VPS26B: variants seen among roughly 807,000 people sequenced by gnomAD.
VPS26B encodes vacuolar protein sorting-associated protein 26B.
Under a neutral mutation model 33.3 loss-of-function variants are expected in VPS26B, and 10 were observed. The ratio of observed to expected loss-of-function variants is 0.30; its 90% CI spans 0.19 to 0.51. VPS26B has a LOEUF of 0.51. Among genes scored for constraint, VPS26B ranks in the 20% least tolerant of loss-of-function variants. The pLI is 0.98. For missense variants in VPS26B, 317 were observed against 452.7 expected, an observed-to-expected ratio of 0.70 and a Z score of 2.72; for synonymous variants, 190 against 176.9, an observed-to-expected ratio of 1.07 and a Z score of -0.59.
intron 1 of VPS26B, among the ~76,000 whole-genome samples, chr11:134,229,771 G>A (rs1434452176): frequency 5.3e-5 from 8 of 152,058 alleles, no homozygotes; most frequent in Non-Finnish European, 8.8e-5. Flanking sequence ...CATTTTCTGT[G>A]AGGATGAAGT....
chr11:134,235,742 TTGTTTTTAC>T (rs1938622171), intron 2 of VPS26B: 1 of 152,236 alleles, frequency 6.6e-6, no homozygotes, highest in South Asian at 2.1e-4. Flanking sequence ...GGTACATGGA[TTGTTTTTAC>T]TGTTATAGTG....
At chr11:134,238,710 C>T (rs1938672671) in intron 2 of VPS26B, among the ~76,000 whole-genome samples, 1 of 152,170 alleles carries the variant, frequency 6.6e-6, no homozygotes, top group Admixed American at 6.5e-5. Context: ...ATTCTCCTGC[C>T]TCAGCCTCCC....
rs1938704300 is a variant in VPS26B at position 134,240,678 on chromosome 11, G to C, written c.545+523G>C. Among the ~76,000 whole-genome samples the C allele has an allele frequency of 6.6e-6, 1 of 152,002 alleles. No homozygotes were observed. The highest frequency in any genetic ancestry group is 1.5e-5 in the Non-Finnish European group (1 of 68,020). On this transcript the variant is annotated intron_variant, in intron 3 of 5. Coordinates refer to ENST00000281187, the MANE Select transcript of VPS26B (RefSeq NM_052875.5). The surrounding 1 kb of genome is among the most constrained non-coding windows in gnomAD (Gnocchi z 4.4). ...AGTGGCCCAGTCATGGCTTACTACA[G>C]CCTTGACCTCCTAGACTCAAGCATT...
intron 3 of VPS26B, among the ~76,000 whole-genome samples, chr11:134,242,911 G>A (rs1938755090): frequency 6.6e-6 from 1 of 152,236 alleles, no homozygotes. Context: ...CTTTGCGTGG[G>A]ATGTGGAAGG....
chr11:134,231,612 T>C (rs574705782), intron 1 of VPS26B, among the ~76,000 whole-genome samples: 1 of 151,646 alleles, frequency 6.6e-6, no homozygotes, highest in African/African-American at 2.4e-5. Flanking sequence ...TCGCCCAGGA[T>C]AGAGTGCAAT....
rs924263952 is a variant in VPS26B, at chr11:134,246,622, G to T, written c.*1032G>T. ...ACCCCTCTCCCTATAGGTTACACAGGGGAGACCAGGGCCTCGGCAGAAGAC... is the reference window on the plus strand; with the variant it reads ...ACCCCTCTCCCTATAGGTTACACAGTGGAGACCAGGGCCTCGGCAGAAGAC... On this transcript the variant is annotated 3_prime_UTR_variant, in exon 6 of 6. Coordinates refer to ENST00000281187, the MANE Select transcript of VPS26B (RefSeq NM_052875.5). 6.6e-6 allele frequency: 1 copy of T among 152,276 alleles called. No individual in the cohort carries two copies. Among genetic ancestry groups the T allele is most frequent in the African/African-American group, 2.4e-5 (1 of 41,310 alleles). The allele number at this position is 152,276 out of a possible 1,614,324, so 9.4% of individuals were successfully genotyped here.
intron 1 of VPS26B, among the ~76,000 whole-genome samples, chr11:134,230,177 A>T (rs79754225): frequency 3.9e-5 from 6 of 152,272 alleles, no homozygotes; most frequent in Admixed American, 2.6e-4. Context: ...TGACTTTTTT[A>T]AAAAACTTGT....
Position 134,245,060 on chromosome 11 carries a change from C to A in VPS26B, c.844C>A (p.Arg282=). ...LNLVLIDEEE[R]RYFKQQEVVL... ...CCTGGTGCTGATAGACGAGGAGGAGCGGCGCTACTTCAAGCAGCAGGTGAG... is the reference window on the plus strand; with the variant it reads ...CCTGGTGCTGATAGACGAGGAGGAGAGGCGCTACTTCAAGCAGCAGGTGAG... The change falls in exon 5 of 6, where the codon CGG becomes AGG. Residue 282 remains arginine, a synonymous_variant. Coordinates refer to ENST00000281187, the MANE Select transcript of VPS26B (RefSeq NM_052875.5). The surrounding 1 kb of genome is among the most constrained non-coding windows in gnomAD (Gnocchi z 4.7). The A allele has an allele frequency of 6.2e-7, 1 of 1,614,100 alleles. No homozygotes were observed. The highest frequency in any genetic ancestry group is 8.5e-7 in the Non-Finnish European group (1 of 1,180,030).
intron 2 of VPS26B, 60 bp downstream of exon 2, chr11:134,235,113 C>T (rs1207289463): frequency 6.4e-7 from 1 of 1,551,850 alleles, no homozygotes; most frequent in East Asian, 2.3e-5. Context: ...TGGACAAGGA[C>T]CTGAGGCCGT....
At chr11:134,232,331 G>T (rs1245601469) in intron 1 of VPS26B, among the ~76,000 whole-genome samples, 4 of 152,336 alleles carry the variant, frequency 2.6e-5, no homozygotes, top group African/African-American at 9.6e-5. Context: ...CAAACTTTCT[G>T]GCAAATAGGA....
At chr11:134,239,603 A>G (rs1330427337) in intron 2 of VPS26B, 1 of 206,622 alleles carries the variant, frequency 4.8e-6, no homozygotes, top group African/African-American at 2.3e-5. Flanking sequence ...GCCAGGAGTT[A>G]GCTGATGAAA....
In VPS26B at chr11:134,246,353, T is replaced by G. The variant is rs1938820690; in HGVS notation, c.*763T>G. ...ATGAGTGCATGGCAACCGCCTGCCT[T>G]CACGTCGCTCCACTTGGTAACCCCA... On this transcript the variant is annotated 3_prime_UTR_variant, in exon 6 of 6. Transcript: ENST00000281187. 3 of 152,296 alleles carry G rather than the reference T, an allele frequency of 2.0e-5. No individual in the cohort carries two copies. The highest frequency in any genetic ancestry group is 7.2e-5 in the African/African-American group (3 of 41,424). The allele number at this position is 152,296 out of a possible 1,614,324, so 9.4% of individuals were successfully genotyped here.
intron 1 of VPS26B, 72 bp from the exon 2 acceptor site, chr11:134,234,825 C>G: frequency 6.4e-7 from 1 of 1,562,276 alleles, no homozygotes. Context: ...CCTACAGCCT[C>G]CAGCCCCCTA....
At chr11:134,227,814 TATG>T (rs1336365379) in intron 1 of VPS26B, among the ~76,000 whole-genome samples, 165 of 152,296 alleles carry the variant, frequency 1.1e-3, no homozygotes, top group African/African-American at 3.9e-3. Flanking sequence ...TTTATAAAAT[TATG>T]GTAGTTGTAG....
intron 3 of VPS26B, among the ~76,000 whole-genome samples, chr11:134,242,169 G>A (rs1023793127): frequency 6.6e-6 from 1 of 152,200 alleles, no homozygotes; most frequent in Non-Finnish European, 1.5e-5. Context: ...AGATGGCGCA[G>A]GTGGTCTCCT....
chr11:134,245,563 G>A lies in VPS26B; in HGVS notation c.984G>A (p.Gln328=), dbSNP rs1230172568. Residue 328 remains glutamine (Q), a synonymous_variant, in exon 6 of 6, where the codon CAG becomes CAA. Coordinates refer to ENST00000281187, the MANE Select transcript of VPS26B (RefSeq NM_052875.5). The surrounding 1 kb of genome is among the most constrained non-coding windows in gnomAD (Gnocchi z 4.7). ...TGGGTGAGGTGCGGACCCCCAGCCA[G>A]CTGTCTGACAACAACTGCAGGCAGT... The part of the protein sequence containing the change: ...TSLGEVRTPS[Q]LSDNNCRQ 2 of 1,612,276 alleles carry A rather than the reference G, an allele frequency of 1.2e-6. No homozygotes were observed. Among genetic ancestry groups the A allele is most frequent in the East Asian group, 4.5e-5 (2 of 44,836 alleles).
In VPS26B at chr11:134,246,330, G is replaced by C. The variant is rs1462584599; in HGVS notation, c.*740G>C. 1 of 152,484 alleles carries C rather than the reference G, an allele frequency of 6.6e-6. No individual in the cohort carries two copies. The highest frequency in any genetic ancestry group is 2.4e-5 in the African/African-American group (1 of 41,444). The allele number at this position is 152,484 out of a possible 1,614,324, so 9.4% of individuals were successfully genotyped here. ...CTGAACCCGGCCCACCACGGAAGAT[G>C]AGTGCATGGCAACCGCCTGCCTTCA... On this transcript the variant is annotated 3_prime_UTR_variant, in exon 6 of 6. Coordinates refer to ENST00000281187, the MANE Select transcript of VPS26B (RefSeq NM_052875.5).
At position 134,234,839 on chromosome 11, in the gene VPS26B, G is replaced by C. The variant is rs192509295; in HGVS notation, c.224-58G>C. ...GCCTACAGCCTCCAGCCCCCTACTCGGCCCGGTGTAGCTCAGGGTCTGATA... is the reference window on the plus strand; with the variant it reads ...GCCTACAGCCTCCAGCCCCCTACTCCGCCCGGTGTAGCTCAGGGTCTGATA... On this transcript the variant is annotated intron_variant, in intron 1 of 5. Coordinates refer to ENST00000281187, the MANE Select transcript of VPS26B (RefSeq NM_052875.5). 1,489 of 1,578,708 alleles carry C rather than the reference G, an allele frequency of 9.4e-4. 15 individuals are homozygous for C. The African/African-American group carries it at 0.018, about 19-fold the overall frequency.
intron 2 of VPS26B, 196 bp downstream of exon 2, chr11:134,235,249 T>C (rs1275310217): frequency 6.5e-6 from 4 of 614,660 alleles, no homozygotes; most frequent in Admixed American, 3.3e-5. Flanking sequence ...CATGTGTCAA[T>C]TTCTGTAGTG....
Sources: gnomAD v4.1 joint callset for allele counts (sites outside exome capture counted in the v4.1 genomes callset) on GRCh38, gnomAD v4.1.1 for gene constraint, Gnocchi (gnomAD v3.1) non-coding constraint, MANE v1.5 for transcripts, NCBI Gene and HGNC (gene_info 2026-07-23, HGNC 2026-07-21) for gene names.